The following GALNT1 variants were observed in gnomAD, a reference collection of about 807,000 sequenced individuals.
GALNT1 encodes polypeptide N-acetylgalactosaminyltransferase 1.
A neutral mutation model predicts 65.7 loss-of-function variants in GALNT1; 17 were observed. The observed-to-expected ratio is 0.26, with a 90% CI of 0.18 to 0.39. The LOEUF (loss-of-function observed/expected upper bound fraction) is 0.39. Among genes scored for constraint, GALNT1 ranks in the 10% least tolerant of loss-of-function variants. The pLI, the probability that GALNT1 is intolerant of heterozygous loss-of-function variation, is 1.00. For synonymous variants in GALNT1, 210 were observed against 219.7 expected (o/e 0.96, Z 0.39); for missense variants, 460 against 672.8 (o/e 0.68, Z 3.50).
intron 1 of GALNT1, among the ~76,000 whole-genome samples, chr18:35,628,233 A>G (rs2046946798): frequency 6.6e-6 from 1 of 152,120 alleles, no homozygotes; most frequent in Non-Finnish European, 1.5e-5. Context: ...TTCTCCCAGC[A>G]TGGAGTTTGA....
chr18:35,682,264 C>CTGATTATTTCATTGATTTATA lies in GALNT1; in HGVS notation c.482-1114_482-1113insGATTTATATGATTATTTCATT, dbSNP rs576947668. ...TTCTCTTTTACAGCTTTTTATATCC[C>CTGATTATTTCATTGATTTATA]TGATTATTTCATTATTGAGTCATTT... On this transcript the variant is annotated intron_variant, in intron 4 of 11. Coordinates refer to ENST00000269195, the MANE Select transcript of GALNT1 (RefSeq NM_020474.4). Among the ~76,000 whole-genome samples, 435 of 152,208 alleles carry CTGATTATTTCATTGATTTATA rather than the reference C, an allele frequency of 2.9e-3. 1 individual carries two copies. The highest frequency in any genetic ancestry group is 9.7e-3 in the African/African-American group (403 of 41,566).
chr18:35,604,266 T>G (rs768218263), intron 1 of GALNT1, among the ~76,000 whole-genome samples: 1 of 152,232 alleles, frequency 6.6e-6, no homozygotes, highest in Non-Finnish European at 1.5e-5. Flanking sequence ...TTTAAATGGC[T>G]GCGTGGTACT....
intron 9 of GALNT1, among the ~76,000 whole-genome samples, chr18:35,694,201 A>ACATAGATGAATG (rs2048016185): frequency 6.6e-6 from 1 of 152,214 alleles, no homozygotes; most frequent in African/African-American, 2.4e-5. Flanking sequence ...GGAAGAAGCA[A>ACATAGATGAATG]CATAGATGAA....
chr18:35,661,744 T>C (rs572119963), intron 2 of GALNT1, among the ~76,000 whole-genome samples: 4 of 152,270 alleles, frequency 2.6e-5, no homozygotes, highest in African/African-American at 9.6e-5. Context: ...TCCTGTAAAT[T>C]AGGTCTAGAG....
intron 1 of GALNT1, among the ~76,000 whole-genome samples, chr18:35,647,081 C>CA (rs1183950837): frequency 6.6e-6 from 1 of 152,226 alleles, no homozygotes; most frequent in Non-Finnish European, 1.5e-5. Flanking sequence ...TCTCACATCA[C>CA]AGTTTCCTTT....
Position 35,683,710 on chromosome 18 carries a change from T to A in GALNT1, c.689+112T>A, listed in dbSNP as rs2047820591. 5 of 858,018 alleles carry A rather than the reference T, an allele frequency of 5.8e-6. No individual in the cohort carries two copies. In the South Asian group the frequency reaches 1.0e-4, roughly 17 times the overall value. The allele number at this position is 858,018 out of a possible 1,614,324, so 53.2% of individuals were successfully genotyped here. On this transcript the variant is annotated intron_variant, in intron 5 of 11. Coordinates refer to ENST00000269195, the MANE Select transcript of GALNT1 (RefSeq NM_020474.4). The stretch of plus-strand genomic sequence containing the variant: ...AATATAAAAGTAATTTCCTCCCAAG[T>A]TTGCTTTAAAATATCCGTGAAGAGG...
intron 1 of GALNT1, among the ~76,000 whole-genome samples, chr18:35,640,743 G>A (rs2144292335): frequency 6.6e-6 from 1 of 152,296 alleles, no homozygotes; most frequent in East Asian, 1.9e-4. Flanking sequence ...GGGAGAGATA[G>A]ATCAATAGAA....
At chr18:35,669,358 A>C (rs1434646795) in intron 3 of GALNT1, among the ~76,000 whole-genome samples, 1 of 152,254 alleles carries the variant, frequency 6.6e-6, no homozygotes, top group East Asian at 1.9e-4. Context: ...ATTTCATGAA[A>C]TCAGCATGAT....
Position 35,603,869 on chromosome 18 carries a change from A to G in GALNT1, c.-104+22007A>G, listed in dbSNP as rs118146652. On this transcript the variant is annotated intron_variant, in intron 1 of 11. Coordinates refer to ENST00000269195, the MANE Select transcript of GALNT1 (RefSeq NM_020474.4). The stretch of plus-strand genomic sequence containing the variant: ...ATCTCTTAAAGCTAAAGGTATCCCA[A>G]CTGATGTAGTAATGCAGAATTAGAA... Among the ~76,000 whole-genome samples the G allele has an allele frequency of 4.3e-3, 650 of 152,268 alleles. 4 individuals carry two copies. The highest frequency in any genetic ancestry group is 7.4e-3 in the Non-Finnish European group (503 of 68,020).
intron 9 of GALNT1, among the ~76,000 whole-genome samples, chr18:35,694,296 G>A (rs1180925586): frequency 1.3e-5 from 2 of 152,086 alleles, no homozygotes; most frequent in Non-Finnish European, 2.9e-5. Context: ...GCTTAAAGGG[G>A]TTTTTATTTC....
At chr18:35,682,361 C>T (rs1568031541) in intron 4 of GALNT1, among the ~76,000 whole-genome samples, 1 of 152,162 alleles carries the variant, frequency 6.6e-6, no homozygotes, top group African/African-American at 2.4e-5. Flanking sequence ...ATGTAGGAAG[C>T]CTTTTGGATC....
At chr18:35,639,203 G>T (rs1421887338) in intron 1 of GALNT1, among the ~76,000 whole-genome samples, 6 of 152,192 alleles carry the variant, frequency 3.9e-5, no homozygotes, top group African/African-American at 1.4e-4. Context: ...ATGAAAGGAA[G>T]AGTTGATGTG....
At chr18:35,607,596 G>A (rs1454378003) in intron 1 of GALNT1, among the ~76,000 whole-genome samples, 1 of 152,152 alleles carries the variant, frequency 6.6e-6, no homozygotes, top group Non-Finnish European at 1.5e-5. Context: ...GAGGCTGGGG[G>A]CTGGTATGGT....
chr18:35,644,594 C>T (rs759731716), intron 1 of GALNT1, among the ~76,000 whole-genome samples: 3 of 152,206 alleles, frequency 2.0e-5, no homozygotes, highest in Admixed American at 6.5e-5. Context: ...TGGAAAGCCA[C>T]TTGTCCCTGC....
At chr18:35,695,908 G>GT (rs939155253) in intron 9 of GALNT1, among the ~76,000 whole-genome samples, 11 of 151,854 alleles carry the variant, frequency 7.2e-5, no homozygotes, top group East Asian at 3.9e-4. Flanking sequence ...TTTTTGTTTT[G>GT]TTTTTTTTGA....
At chr18:35,651,158 T>C (rs1304492495) in intron 1 of GALNT1, among the ~76,000 whole-genome samples, 1 of 152,184 alleles carries the variant, frequency 6.6e-6, no homozygotes, top group Admixed American at 6.6e-5. Context: ...CTGAACCTTA[T>C]TAAAGGTCTC....
chr18:35,676,268 TC>T lies in GALNT1; in HGVS notation c.315-1321del, dbSNP rs147970771. Among the ~76,000 whole-genome samples the T allele has an allele frequency of 2.9e-3, 447 of 152,058 alleles. 1 individual carries two copies. Among genetic ancestry groups the T allele is most frequent in the African/African-American group, 0.01 (415 of 41,450 alleles). On this transcript the variant is annotated intron_variant, in intron 3 of 11. Coordinates refer to ENST00000269195, the MANE Select transcript of GALNT1 (RefSeq NM_020474.4). ...TACTGTTAGTAGGAGACGGAGACCA[TC>T]CTGTGAAAGGGGTCTTGGGAATGGT...
intron 5 of GALNT1, among the ~76,000 whole-genome samples, chr18:35,685,484 TA>T (rs66682919): frequency 0.025 from 3,348 of 132,076 alleles, 44 homozygotes; most frequent in African/African-American, 0.034. Flanking sequence ...AAGGATGGCT[TA>T]AAAAAAAAAA....
intron 1 of GALNT1, among the ~76,000 whole-genome samples, chr18:35,618,433 T>C (rs1006529107): frequency 6.6e-6 from 1 of 152,102 alleles, no homozygotes; most frequent in Non-Finnish European, 1.5e-5. Context: ...TCTCTAAAGC[T>C]CAAGTGGAGA....
Sources: allele counts gnomAD v4.1 joint callset (sites outside exome capture counted in the v4.1 genomes callset), GRCh38; gene constraint gnomAD v4.1.1; transcripts MANE v1.5; gene names NCBI Gene and HGNC (gene_info 2026-07-23, HGNC 2026-07-21).